Variants in TAFA1 observed in about 807,000 individuals in gnomAD.
TAFA1 encodes the protein TAFA chemokine like family member 1.
In TAFA1, 4 loss-of-function variants were observed where a neutral mutation model predicts 18.5. The observed-to-expected ratio is 0.22, with a 90% CI of 0.11 to 0.49. The LOEUF is 0.49. Among genes scored for constraint, TAFA1 ranks in the 20% least tolerant of loss-of-function variants. The probability of loss-of-function intolerance (pLI) is 0.98; values close to 1 mark genes in which losing one functional copy is unlikely to be tolerated. For synonymous variants in TAFA1, 56 were observed against 55.2 expected (o/e 1.01, Z -0.06); for missense variants, 147 against 169.0 (o/e 0.87, Z 0.72).
At chr3:68,247,251 A>C (rs1033051403) in intron 2 of TAFA1, 2 of 152,114 alleles carry the variant, frequency 1.3e-5, no homozygotes, top group African/African-American at 4.8e-5. Flanking sequence ...CTTTGGACAA[A>C]AGTCTCTTCC....
chr3:67,996,222 G>A, the TAFA1 span, among the ~76,000 whole-genome samples: 1 of 152,208 alleles, frequency 6.6e-6, no homozygotes, highest in East Asian at 1.9e-4. Context: ...AGACCAGAGT[G>A]ACTGGAGCAT....
At chr3:68,205,899 G>A (rs974089336) in intron 2 of TAFA1, among the ~76,000 whole-genome samples, 4 of 151,806 alleles carry the variant, frequency 2.6e-5, no homozygotes, top group Non-Finnish European at 4.4e-5. Context: ...GCTTTCAGGA[G>A]ATGTGCAAAA....
chr3:68,390,218 C>T (rs1431247123), intron 2 of TAFA1, among the ~76,000 whole-genome samples: 2 of 152,164 alleles, frequency 1.3e-5, no homozygotes, highest in Non-Finnish European at 2.9e-5. Context: ...TTTCCCCTCA[C>T]AGTGTAAACA....
At chr3:68,452,840 T>C (rs1050362144) in intron 3 of TAFA1, among the ~76,000 whole-genome samples, 1 of 152,186 alleles carries the variant, frequency 6.6e-6, no homozygotes, top group Non-Finnish European at 1.5e-5. Flanking sequence ...TGGGCAATCA[T>C]TATTTAAGGC....
chr3:68,218,049 T>C (rs2066680917), intron 2 of TAFA1, among the ~76,000 whole-genome samples: 1 of 152,116 alleles, frequency 6.6e-6, no homozygotes, highest in African/African-American at 2.4e-5. Flanking sequence ...CAGATCTTTA[T>C]GACAAATGGA....
Position 68,216,006 on chromosome 3 carries a change from G to C in TAFA1, c.119-201274G>C, listed in dbSNP as rs75608714. On this transcript the variant is annotated intron_variant, in intron 2 of 4. Coordinates refer to ENST00000478136, the MANE Select transcript of TAFA1 (RefSeq NM_213609.4). The stretch of plus-strand genomic sequence containing the variant: ...AAGATAAATGAGCTATCAAGCCATA[G>C]AGAGACATGGAGGAAACTTAAATGC... Among the ~76,000 whole-genome samples, 1,183 of 152,168 alleles carry C rather than the reference G, an allele frequency of 7.8e-3. 23 individuals are homozygous for C. The highest frequency in any genetic ancestry group is 0.027 in the African/African-American group (1,123 of 41,556).
At chr3:68,294,894 A>G (rs894880897) in intron 2 of TAFA1, among the ~76,000 whole-genome samples, 5 of 152,244 alleles carry the variant, frequency 3.3e-5, no homozygotes, top group African/African-American at 1.2e-4. Context: ...AAAAGAAAAA[A>G]TTTACTTCTT....
intron 3 of TAFA1, among the ~76,000 whole-genome samples, chr3:68,519,302 C>T (rs1425272489): frequency 1.3e-5 from 2 of 152,212 alleles, no homozygotes; most frequent in African/African-American, 4.8e-5. Flanking sequence ...CATCTATAAA[C>T]AAGGAGGCAG....
At chr3:68,527,699 T>C (rs1163917748) in intron 3 of TAFA1, among the ~76,000 whole-genome samples, 2 of 152,140 alleles carry the variant, frequency 1.3e-5, no homozygotes, top group Admixed American at 1.3e-4. Flanking sequence ...AAAAAGAGAC[T>C]GTATGCTGCT....
chr3:67,995,904 C>A, the TAFA1 span, among the ~76,000 whole-genome samples: 8 of 152,178 alleles, frequency 5.3e-5, no homozygotes, highest in Non-Finnish European at 1.0e-4. Flanking sequence ...CATAAAACAC[C>A]TAAAACATGA....
At chr3:67,992,409 A>G in the TAFA1 span, among the ~76,000 whole-genome samples, 1 of 152,208 alleles carries the variant, frequency 6.6e-6, no homozygotes, top group Non-Finnish European at 1.5e-5. Context: ...CATCAGGAAC[A>G]TTATCATTGT....
intron 2 of TAFA1, among the ~76,000 whole-genome samples, chr3:68,263,135 A>G (rs529642481): frequency 6.6e-6 from 1 of 152,174 alleles, no homozygotes; most frequent in Admixed American, 6.5e-5. Context: ...TCTTACTATG[A>G]TGCCCAGGCT....
chr3:68,353,550 T>C (rs551069818), intron 2 of TAFA1, among the ~76,000 whole-genome samples: 1 of 152,136 alleles, frequency 6.6e-6, no homozygotes, highest in Non-Finnish European at 1.5e-5. Context: ...TATCATTTTG[T>C]ATTCATAGCC....
At chr3:68,140,781 C>A (rs2065659513) in intron 2 of TAFA1, among the ~76,000 whole-genome samples, 1 of 152,202 alleles carries the variant, frequency 6.6e-6, no homozygotes, top group African/African-American at 2.4e-5. Flanking sequence ...TATAGAAGAG[C>A]AAATGGTCTC....
intron 2 of TAFA1, among the ~76,000 whole-genome samples, chr3:68,347,482 GATTT>G (rs113684093): frequency 3.9e-5 from 6 of 152,228 alleles, no homozygotes; most frequent in African/African-American, 1.2e-4. Context: ...TTTCCTAATG[GATTT>G]ATTTATTTAT....
At chr3:68,022,966 GT>G (rs752272309) in intron 2 of TAFA1, among the ~76,000 whole-genome samples, 2,019 of 122,048 alleles carry the variant, frequency 0.017, 12 homozygotes, top group Non-Finnish European at 0.021. Flanking sequence ...AGTTACTCTT[GT>G]TTTTTTTTTT....
chr3:68,542,350 A>G (rs932530100), intron 4 of TAFA1, among the ~76,000 whole-genome samples: 2 of 152,118 alleles, frequency 1.3e-5, no homozygotes, highest in African/African-American at 4.8e-5. Flanking sequence ...CTTTGTTGGT[A>G]CTTAGGAGCA....
intron 3 of TAFA1, among the ~76,000 whole-genome samples, chr3:68,490,527 C>A (rs965269679): frequency 1.3e-5 from 2 of 152,050 alleles, no homozygotes; most frequent in African/African-American, 4.8e-5. Context: ...ATGCTTCAAG[C>A]AAGACAACAT....
chr3:68,262,855 G>A (rs1202510757), intron 2 of TAFA1, among the ~76,000 whole-genome samples: 1 of 152,118 alleles, frequency 6.6e-6, no homozygotes, highest in Non-Finnish European at 1.5e-5. Context: ...CTGTGGTTAG[G>A]CCAGATGTCA....
Sources: gnomAD v4.1 joint callset for allele counts (sites outside exome capture counted in the v4.1 genomes callset) on GRCh38, gnomAD v4.1.1 for gene constraint, MANE v1.5 for transcripts, NCBI Gene and HGNC (gene_info 2026-07-23, HGNC 2026-07-21) for gene names.